TTC34: variants seen among roughly 807,000 people sequenced by gnomAD.
TTC34 encodes tetratricopeptide repeat domain 34, also known as tetratricopeptide repeat protein 34.
In TTC34, 44 loss-of-function variants were observed where a neutral mutation model predicts 40.7. That is an observed-to-expected ratio of 1.08 (90% CI 0.85 to 1.39). TTC34 has a LOEUF of 1.39. Among genes scored for constraint, TTC34 ranks in the 40% most tolerant of loss-of-function variants. The probability of loss-of-function intolerance (pLI) is 0.00; values close to 1 mark genes in which losing one functional copy is unlikely to be tolerated. For synonymous variants in TTC34, 422 were observed against 398.6 expected, an observed-to-expected ratio of 1.06 and a Z score of -0.70; for missense variants, 884 against 838.0, an observed-to-expected ratio of 1.05 and a Z score of -0.68.
intron 8 of TTC34, among the ~76,000 whole-genome samples, chr1:2,642,972 C>G (rs1337097339): frequency 2.0e-5 from 3 of 152,240 alleles, no homozygotes; most frequent in Non-Finnish European, 4.4e-5. Context: ...CCCGCGGGAC[C>G]GCCCCTCTCC....
intron 6 of TTC34, among the ~76,000 whole-genome samples, chr1:2,699,582 G>C (rs376822488): frequency 1.4e-5 from 2 of 142,848 alleles, no homozygotes; most frequent in Non-Finnish European, 3.1e-5. Context: ...ACCCCCAGGT[G>C]AGCATCTGAC....
At chr1:2,657,192 C>A (rs1225516413) in intron 6 of TTC34, among the ~76,000 whole-genome samples, 1 of 116,682 alleles carries the variant, frequency 8.6e-6, no homozygotes, top group South Asian at 2.4e-4. Flanking sequence ...CCCAGTTGAG[C>A]ATCTGATGGT....
chr1:2,675,145 GT>G (rs1557599709), intron 6 of TTC34, among the ~76,000 whole-genome samples: 8 of 7,014 alleles, frequency 1.1e-3, no homozygotes, highest in Non-Finnish European at 2.3e-3. Context: ...CTGACAGCCC[GT>G]AGCAGCACCC....
At chr1:2,695,849 T>TCCGACAGCCGGGAGCAGCA (rs1640839894) in intron 6 of TTC34, among the ~76,000 whole-genome samples, 1 of 148,080 alleles carries the variant, frequency 6.8e-6, no homozygotes, top group African/African-American at 2.5e-5. Flanking sequence ...CAGGTGAACA[T>TCCGACAGCCGGGAGCAGCA]CCGACAGCCT....
At chr1:2,783,471 T>A (rs1031878880) in intron 6 of TTC34, 138 bp downstream of exon 6, 1 of 891,792 alleles carries the variant, frequency 1.1e-6, no homozygotes, top group Admixed American at 4.0e-5. Flanking sequence ...CAGGTGGGGA[T>A]GGGAACATGG....
At chr1:2,789,857 G>T (rs1352036709) in exon 3 of TTC34, 1 of 426,852 alleles carries the variant, frequency 2.3e-6, no homozygotes, top group Non-Finnish European at 4.1e-6. Context: ...GGCGTGCAGC[G>T]CGCAGAAGCC....
chr1:2,700,718 AC>A (rs1230061786), intron 6 of TTC34, among the ~76,000 whole-genome samples: 1 of 101,186 alleles, frequency 9.9e-6, no homozygotes, highest in East Asian at 3.2e-4. Context: ...GCATTTGACA[AC>A]CTGGGAAAGC....
At chr1:2,756,669 C>T (rs1641516652) in intron 6 of TTC34, among the ~76,000 whole-genome samples, 7 of 149,384 alleles carry the variant, frequency 4.7e-5, no homozygotes, top group African/African-American at 1.7e-4. Context: ...ACCCACACCC[C>T]CAGGTGAGCA....
At chr1:2,762,025 G>C (rs1197386300) in intron 6 of TTC34, among the ~76,000 whole-genome samples, 38 of 21,510 alleles carry the variant, frequency 1.8e-3, no homozygotes, top group Admixed American at 3.9e-3. Flanking sequence ...AGGTGAGCAT[G>C]TGACAGCCTG....
chr1:2,790,314 C>A, exon 3 of TTC34: 1 of 398,420 alleles, frequency 2.5e-6, no homozygotes, highest in Non-Finnish European at 4.4e-6. Flanking sequence ...GCCGAGGCCG[C>A]GCGGGTGACC....
intron 6 of TTC34, among the ~76,000 whole-genome samples, chr1:2,688,343 T>TTCA (rs1640467415): frequency 3.3e-4 from 41 of 124,768 alleles, no homozygotes; most frequent in Admixed American, 1.3e-3. Flanking sequence ...CAGGTGAGCA[T>TTCA]CGGACAGCCT....
At chr1:2,640,074 T>C (rs1039207775) in exon 9 of TTC34, 16 of 152,110 alleles carry the variant, frequency 1.1e-4, no homozygotes, top group African/African-American at 3.6e-4. Flanking sequence ...TTCAAGACCA[T>C]GGAAGGAAGC....
intron 6 of TTC34, among the ~76,000 whole-genome samples, chr1:2,699,334 C>T (rs1420369137): frequency 7.3e-6 from 1 of 136,844 alleles, no homozygotes; most frequent in South Asian, 2.3e-4. Flanking sequence ...GCCACAACTC[C>T]AGGCGAGCAT....
intron 6 of TTC34, among the ~76,000 whole-genome samples, chr1:2,699,526 A>G (rs1339735248): frequency 1.1e-5 from 1 of 94,234 alleles, no homozygotes; most frequent in African/African-American, 3.3e-5. Context: ...CTGGAACACC[A>G]CCCACATCCC....
At position 2,683,944 on chromosome 1, in the gene TTC34, G is replaced by T. The variant is rs372573478; in HGVS notation, c.2227-38381C>A. Among the ~76,000 whole-genome samples the T allele has an allele frequency of 3.1e-4, 42 of 135,928 alleles. 2 individuals are homozygous for T. The highest frequency in any genetic ancestry group is 9.8e-4 in the African/African-American group (34 of 34,586). The allele number at this position is 135,928 out of a possible 152,430, so 89.2% of individuals were successfully genotyped here. A position where few individuals can be genotyped will look rare whatever the true frequency, so the allele number is the denominator to read the frequency against. ...GGTGAGCATCTGATGGTCTGGAGCA[G>T]TACCCACACCCACAGTTGAGCATCT... On this transcript the variant is annotated intron_variant, in intron 6 of 8. Coordinates refer to ENST00000401095, the Ensembl canonical transcript of TTC34.
At chr1:2,694,110 C>T (rs538024527) in intron 6 of TTC34, among the ~76,000 whole-genome samples, 3 of 150,188 alleles carry the variant, frequency 2.0e-5, no homozygotes, top group Admixed American at 6.6e-5. Flanking sequence ...ACCCTGCACC[C>T]CCAGGTGCGC....
intron 6 of TTC34, among the ~76,000 whole-genome samples, chr1:2,695,304 C>T (rs1160470273): frequency 2.5e-3 from 80 of 31,548 alleles, no homozygotes; most frequent in Admixed American, 5.9e-3. Context: ...TGGCCTGGAA[C>T]TGCACCCAGA....
rs1237637386 is a variant in TTC34 at position 2,751,998 on chromosome 1, C to T, written c.2226+31611G>A. Among the ~76,000 whole-genome samples, 2 of 117,220 alleles carry T rather than the reference C, an allele frequency of 1.7e-5. 1 individual carries two copies. Among genetic ancestry groups the T allele is most frequent in the African/African-American group, 7.6e-5 (2 of 26,150 alleles). The allele number at this position is 117,220 out of a possible 152,430, so 76.9% of individuals were successfully genotyped here. A position where few individuals can be genotyped will look rare whatever the true frequency, so the allele number is the denominator to read the frequency against. ...CAGGCGAGCATTTGACAGCCTGGAG[C>T]AGTGCCCACACACCCAGCTGAGCAT... On this transcript the variant is annotated intron_variant, in intron 6 of 8. Transcript: ENST00000401095.
At chr1:2,684,969 C>G (rs1448746433) in intron 6 of TTC34, among the ~76,000 whole-genome samples, 1 of 141,724 alleles carries the variant, frequency 7.1e-6, no homozygotes, top group East Asian at 2.0e-4. Flanking sequence ...CCCAGACGAG[C>G]ATCTGACAGC....
Sources: allele counts gnomAD v4.1 joint callset (sites outside exome capture counted in the v4.1 genomes callset), GRCh38; gene constraint gnomAD v4.1.1; transcripts MANE v1.5; gene names NCBI Gene and HGNC (gene_info 2026-07-23, HGNC 2026-07-21).